Variants in TMTC2 observed in about 807,000 individuals in gnomAD.
TMTC2 encodes protein O-mannosyl-transferase TMTC2.
TMTC2 carries 43 observed loss-of-function variants against 82.4 expected under a neutral mutation model. The ratio of observed to expected loss-of-function variants is 0.52; its 90% CI spans 0.41 to 0.67. The LOEUF (loss-of-function observed/expected upper bound fraction) is 0.67. TMTC2 is among the 30% of genes least tolerant of loss of function. The probability of loss-of-function intolerance (pLI) is 0.00; values close to 1 mark genes in which losing one functional copy is unlikely to be tolerated. For synonymous variants in TMTC2, 408 were observed against 381.9 expected, an observed-to-expected ratio of 1.07 and a Z score of -0.80; for missense variants, 919 against 1,012.4, an observed-to-expected ratio of 0.91 and a Z score of 1.25.
chr12:82,798,527 C>T (rs1026250130), intron 1 of TMTC2, among the ~76,000 whole-genome samples: 3 of 148,780 alleles, frequency 2.0e-5, no homozygotes, highest in South Asian at 4.2e-4. Flanking sequence ...AAGACTTGGC[C>T]GGTTGCCGTG....
At chr12:83,044,278 A>G (rs149488572) in intron 9 of TMTC2, among the ~76,000 whole-genome samples, 11 of 152,300 alleles carry the variant, frequency 7.2e-5, no homozygotes, top group African/African-American at 1.9e-4. Flanking sequence ...AAGTGTGCCA[A>G]TAAGTAAGAG....
At chr12:82,918,045 C>T (rs1322767496) in intron 3 of TMTC2, among the ~76,000 whole-genome samples, 1 of 152,154 alleles carries the variant, frequency 6.6e-6, no homozygotes. Context: ...TAGCGATTCC[C>T]TCACCCCAGC....
intron 8 of TMTC2, among the ~76,000 whole-genome samples, chr12:83,021,603 ATTT>A (rs145396643): frequency 0.59 from 88,672 of 150,940 alleles, 26,538 homozygotes; most frequent in South Asian, 0.73. Context: ...TATAAAAAAA[ATTT>A]TTTTTTAATG....
At chr12:82,729,500 A>G (rs1199914014) in intron 1 of TMTC2, among the ~76,000 whole-genome samples, 1 of 152,288 alleles carries the variant, frequency 6.6e-6, no homozygotes, top group East Asian at 1.9e-4. Context: ...CTCTGTATGT[A>G]GCTAATCTAG....
intron 11 of TMTC2, among the ~76,000 whole-genome samples, chr12:83,069,126 G>A (rs1005476311): frequency 1.3e-5 from 2 of 152,046 alleles, no homozygotes; most frequent in African/African-American, 4.8e-5. Context: ...CATTTGGGTT[G>A]GGTCCAAAAT....
intron 3 of TMTC2, among the ~76,000 whole-genome samples, chr12:82,924,153 A>C (rs936857958): frequency 6.6e-6 from 1 of 152,194 alleles, no homozygotes; most frequent in African/African-American, 2.4e-5. Flanking sequence ...CCTGAAGTAA[A>C]AGTTGGCTTA....
At chr12:83,122,307 G>T (rs990305794) in intron 11 of TMTC2, among the ~76,000 whole-genome samples, 1 of 151,222 alleles carries the variant, frequency 6.6e-6, no homozygotes, top group African/African-American at 2.4e-5. Context: ...CTGCACACTA[G>T]ATTCATGTCC....
At position 82,687,120 on chromosome 12, in the gene TMTC2, C is replaced by T. The variant is rs542165569; in HGVS notation, c.-467C>T. 14 of 166,196 alleles carry T rather than the reference C, an allele frequency of 8.4e-5. No individual in the cohort carries two copies. The South Asian group carries it at 1.6e-3, about 18-fold the overall frequency. The allele number at this position is 166,196 out of a possible 1,614,324, so 10.3% of individuals were successfully genotyped here. A position where few individuals can be genotyped will look rare whatever the true frequency, so the allele number is the denominator to read the frequency against. ...GAGGCGGTTCGCCTTGTCCCTCCCA[C>T]CCGCGCCTCTTTCTCTCTCTTCCTC... On this transcript the variant is annotated 5_prime_UTR_variant, in exon 1 of 12. Transcript: ENST00000321196.
At chr12:82,968,114 G>T (rs1337784449) in intron 7 of TMTC2, among the ~76,000 whole-genome samples, 1 of 152,040 alleles carries the variant, frequency 6.6e-6, no homozygotes, top group Admixed American at 6.6e-5. Flanking sequence ...AAAATTATTT[G>T]GAAGAGGTTA....
chr12:82,875,899 TAA>T (rs781413116), intron 2 of TMTC2, among the ~76,000 whole-genome samples: 8,330 of 113,486 alleles, frequency 0.073, 801 homozygotes, highest in African/African-American at 0.23. Context: ...AGCTCACGCT[TAA>T]AAAAAAAAAA....
At chr12:83,017,186 T>G (rs899934060) in intron 8 of TMTC2, among the ~76,000 whole-genome samples, 1 of 152,188 alleles carries the variant, frequency 6.6e-6, no homozygotes, top group Non-Finnish European at 1.5e-5. Flanking sequence ...AAGACCTCAC[T>G]GATGTTGCTA....
At position 82,777,916 on chromosome 12, in the gene TMTC2, A is replaced by C. The variant is rs149340209; in HGVS notation, c.84-79094A>C. ...CTGCCCAGATGCTTCCCTTTCTTCC[A>C]AGGCCCCTGTCCTCTGCCTGCTCTC... On this transcript the variant is annotated intron_variant, in intron 1 of 11. Coordinates refer to ENST00000321196, the MANE Select transcript of TMTC2 (RefSeq NM_152588.3). Among the ~76,000 whole-genome samples the C allele has an allele frequency of 3.8e-3, 578 of 151,962 alleles. 3 individuals are homozygous for C. The highest frequency in any genetic ancestry group is 6.5e-3 in the Non-Finnish European group (445 of 67,946).
intron 1 of TMTC2, among the ~76,000 whole-genome samples, chr12:82,722,711 C>T (rs1466365637): frequency 2.0e-5 from 3 of 151,984 alleles, no homozygotes; most frequent in Non-Finnish European, 4.4e-5. Context: ...CACTGCATTT[C>T]GGCCTGGGCA....
chr12:82,787,050 T>C (rs571777761), intron 1 of TMTC2, among the ~76,000 whole-genome samples: 1 of 152,168 alleles, frequency 6.6e-6, no homozygotes, highest in Non-Finnish European at 1.5e-5. Context: ...TCAGGCTGTT[T>C]CTATCAAATA....
At position 82,853,522 on chromosome 12, in the gene TMTC2, A is replaced by G. The variant is rs904008920; in HGVS notation, c.84-3488A>G. On this transcript the variant is annotated intron_variant, in intron 1 of 11. Coordinates refer to ENST00000321196, the MANE Select transcript of TMTC2 (RefSeq NM_152588.3). ...TATCTCGTGGCTGCTGTAGGCTGCT[A>G]GATTTATTGCTATAAAGATAAATTC... Among the ~76,000 whole-genome samples, 9 of 152,336 alleles carry G rather than the reference A, an allele frequency of 5.9e-5. No homozygotes were observed. In the East Asian group the frequency reaches 1.7e-3, roughly 29 times the overall value.
At chr12:82,915,931 C>T (rs367995609) in intron 3 of TMTC2, among the ~76,000 whole-genome samples, 2 of 152,328 alleles carry the variant, frequency 1.3e-5, no homozygotes, top group South Asian at 2.1e-4. Context: ...AGCAACTCAA[C>T]GTCTGTCATC....
chr12:82,908,035 C>T (rs1282428643), intron 3 of TMTC2, among the ~76,000 whole-genome samples: 2 of 152,018 alleles, frequency 1.3e-5, no homozygotes, highest in African/African-American at 4.8e-5. Flanking sequence ...TTGCTTGCAC[C>T]CAGGGGGCGG....
chr12:83,045,203 G>A (rs1234829589), intron 9 of TMTC2, among the ~76,000 whole-genome samples: 1 of 152,158 alleles, frequency 6.6e-6, no homozygotes, highest in African/African-American at 2.4e-5. Context: ...TGGATCTCTA[G>A]AGAATGCTTC....
rs578029413 is a variant in TMTC2 at position 82,735,469 on chromosome 12, C to T, written c.83+47800C>T. Among the ~76,000 whole-genome samples the T allele has an allele frequency of 5.9e-5, 9 of 151,936 alleles. No individual in the cohort carries two copies. In the South Asian group the frequency reaches 1.5e-3, roughly 25 times the overall value. ...CATGCCATTCTCCTGTCTCAGCCTC[C>T]CAAGTAGCTGGGACTACAGGCGCCC... On this transcript the variant is annotated intron_variant, in intron 1 of 11. Transcript: ENST00000321196.
Sources: gnomAD v4.1 joint callset for allele counts (sites outside exome capture counted in the v4.1 genomes callset) on GRCh38, gnomAD v4.1.1 for gene constraint, MANE v1.5 for transcripts, NCBI Gene and HGNC (gene_info 2026-07-23, HGNC 2026-07-21) for gene names.